Variants in CPXM2 observed in about 807,000 individuals in gnomAD.
The protein encoded by CPXM2 is inactive carboxypeptidase-like protein X2.
CPXM2 carries 66 observed loss-of-function variants against 86.1 expected under a neutral mutation model. That is an observed-to-expected ratio of 0.77 (90% CI 0.63 to 0.94). CPXM2 has a LOEUF of 0.94. Ranked by LOEUF, CPXM2 falls within the 40% of genes least tolerant of loss-of-function variation. The probability of loss-of-function intolerance (pLI) is 0.00; values close to 1 mark genes in which losing one functional copy is unlikely to be tolerated. For synonymous variants in CPXM2, 388 were observed against 400.2 expected (o/e 0.97, Z 0.36); for missense variants, 948 against 1,026.3 (o/e 0.92, Z 1.04).
At chr10:123,925,755 G>GTTAT (rs2134282460) in intron 2 of CPXM2, among the ~76,000 whole-genome samples, 1 of 152,212 alleles carries the variant, frequency 6.6e-6, no homozygotes, top group East Asian at 1.9e-4. Context: ...GACTATAAGA[G>GTTAT]TTATTCATTC....
intron 10 of CPXM2, among the ~76,000 whole-genome samples, 155 bp downstream of exon 10, chr10:123,766,818 G>T (rs895505015): frequency 6.6e-6 from 1 of 152,136 alleles, no homozygotes; most frequent in African/African-American, 2.4e-5. Flanking sequence ...CACCTAAAAG[G>T]TAGTTATTAT....
chr10:123,809,771 G>A (rs1024219104), intron 4 of CPXM2, among the ~76,000 whole-genome samples: 2 of 151,980 alleles, frequency 1.3e-5, no homozygotes, highest in Admixed American at 6.6e-5. Context: ...ATTTTGCTTA[G>A]TATACTTGGT....
intron 2 of CPXM2, among the ~76,000 whole-genome samples, chr10:123,927,542 T>C (rs189808042): frequency 6.6e-6 from 1 of 152,214 alleles, no homozygotes; most frequent in Non-Finnish European, 1.5e-5. Context: ...CTAACGCACC[T>C]TGCCCAAGGT....
chr10:123,794,033 A>G (rs1437927546), intron 6 of CPXM2, among the ~76,000 whole-genome samples: 1 of 152,208 alleles, frequency 6.6e-6, no homozygotes, highest in Non-Finnish European at 1.5e-5. Context: ...TGAACCAGTG[A>G]ACATGGGCTG....
At chr10:123,853,766 A>G (rs1217611022) in intron 3 of CPXM2, among the ~76,000 whole-genome samples, 1 of 152,110 alleles carries the variant, frequency 6.6e-6, no homozygotes, top group East Asian at 1.9e-4. Context: ...TTAGCTGGGC[A>G]TGGTGGCACG....
At chr10:123,852,255 T>C (rs1197327641) in intron 3 of CPXM2, among the ~76,000 whole-genome samples, 1 of 152,176 alleles carries the variant, frequency 6.6e-6, no homozygotes, top group Non-Finnish European at 1.5e-5. Flanking sequence ...TTTTTTTCAG[T>C]AATTTCATCT....
At chr10:123,819,372 G>A (rs1339200497) in intron 4 of CPXM2, among the ~76,000 whole-genome samples, 1 of 152,188 alleles carries the variant, frequency 6.6e-6, no homozygotes, top group South Asian at 2.1e-4. Flanking sequence ...AAAAAAACAT[G>A]ACCTGCTGGG....
At chr10:123,934,030 G>A (rs1262154479) in intron 2 of CPXM2, among the ~76,000 whole-genome samples, 1 of 152,148 alleles carries the variant, frequency 6.6e-6, no homozygotes, top group Non-Finnish European at 1.5e-5. Flanking sequence ...CTGGGAATTA[G>A]GGCTGCTCCT....
intron 3 of CPXM2, among the ~76,000 whole-genome samples, chr10:123,852,622 C>G (rs1848627186): frequency 6.6e-6 from 1 of 152,202 alleles, no homozygotes; most frequent in Non-Finnish European, 1.5e-5. Context: ...CGGCTAAAAG[C>G]TGAAGTCCTT....
intron 4 of CPXM2, among the ~76,000 whole-genome samples, chr10:123,833,361 T>G (rs1848208616): frequency 6.6e-6 from 1 of 152,194 alleles, no homozygotes; most frequent in Admixed American, 6.5e-5. Context: ...AATACAGATG[T>G]GTCACAGGAA....
At chr10:123,843,231 C>T (rs1169771520) in intron 3 of CPXM2, 7 of 452,316 alleles carry the variant, frequency 1.5e-5, no homozygotes, top group Non-Finnish European at 2.7e-5. Flanking sequence ...GGACTACAAG[C>T]ACACACCACC....
At chr10:123,760,548 A>G (rs1393814503) in intron 11 of CPXM2, among the ~76,000 whole-genome samples, 1 of 152,190 alleles carries the variant, frequency 6.6e-6, no homozygotes, top group Non-Finnish European at 1.5e-5. Context: ...CTTCAAAAGT[A>G]TGTGAAGGCT....
At position 123,751,015 on chromosome 10, in the gene CPXM2, C is replaced by T. The variant is rs1013531666; in HGVS notation, c.2017+3648G>A. 36 of 985,414 alleles carry T rather than the reference C, an allele frequency of 3.7e-5. No individual in the cohort carries two copies. In the African/African-American group the frequency reaches 6.3e-4, roughly 17 times the overall value. The allele number at this position is 985,414 out of a possible 1,614,324, so 61.0% of individuals were successfully genotyped here. On this transcript the variant is annotated intron_variant, in intron 13 of 13. Coordinates refer to ENST00000241305, the MANE Select transcript of CPXM2 (RefSeq NM_198148.3). ...GCTCAGGTCTGTGTTCAGGGTGAAC[C>T]TTCTAGGGAGCTGCAGTGGAAGTCA...
intron 4 of CPXM2, among the ~76,000 whole-genome samples, chr10:123,808,903 TC>T (rs1320105098): frequency 6.6e-6 from 1 of 152,076 alleles, no homozygotes; most frequent in African/African-American, 2.4e-5. Flanking sequence ...AATACTGTAA[TC>T]CCCCCTTATC....
chr10:123,852,722 G>A (rs1457290067), intron 3 of CPXM2, among the ~76,000 whole-genome samples: 3 of 151,904 alleles, frequency 2.0e-5, no homozygotes, highest in South Asian at 2.1e-4. Flanking sequence ...TGGCTATACC[G>A]AGCATGCTAT....
chr10:123,914,025 C>A, intron 2 of CPXM2: 1 of 497,066 alleles, frequency 2.0e-6, no homozygotes, highest in Non-Finnish European at 4.0e-6. Flanking sequence ...TTTCAGAATC[C>A]AACCTTAAAG....
chr10:123,833,978 T>C (rs2134137577), intron 4 of CPXM2, among the ~76,000 whole-genome samples: 1 of 152,306 alleles, frequency 6.6e-6, no homozygotes, highest in South Asian at 2.1e-4. Flanking sequence ...TTAACTCATT[T>C]AATCCCCACA....
chr10:123,933,584 G>A (rs1380690460), intron 2 of CPXM2, among the ~76,000 whole-genome samples: 1 of 152,142 alleles, frequency 6.6e-6, no homozygotes, highest in African/African-American at 2.4e-5. Flanking sequence ...CAGGGGTGGT[G>A]GCATATGCCT....
chr10:123,894,480 C>T (rs1321188874), upstream of CPXM2, among the ~76,000 whole-genome samples: 1 of 152,134 alleles, frequency 6.6e-6, no homozygotes, highest in African/African-American at 2.4e-5. Context: ...CACAGAAGCC[C>T]ACGGCACTGT....
Sources: allele counts gnomAD v4.1 joint callset (sites outside exome capture counted in the v4.1 genomes callset), GRCh38; gene constraint gnomAD v4.1.1; transcripts MANE v1.5; gene names NCBI Gene and HGNC (gene_info 2026-07-23, HGNC 2026-07-21).